Variants in TCTN1 observed in about 807,000 individuals in gnomAD.
The protein encoded by TCTN1 is tectonic family member 1, also known as tectonic-1.
Under a neutral mutation model 65.8 loss-of-function variants are expected in TCTN1, and 58 were observed. The observed-to-expected ratio is 0.88, with a 90% CI of 0.71 to 1.10. The LOEUF (loss-of-function observed/expected upper bound fraction) is 1.10, where lower values mean the gene tolerates loss of function less well. Ranked by LOEUF, TCTN1 falls within the 50% of genes least tolerant of loss-of-function variation. TCTN1 has a pLI of 0.00. For missense variants in TCTN1, 645 were observed against 719.4 expected (o/e 0.90, Z 1.18); for synonymous variants, 273 against 289.1 (o/e 0.94, Z 0.57).
Position 110,641,568 on chromosome 12 carries a change from T to C in TCTN1, c.1131T>C (p.Ser377=), listed in dbSNP as rs1566001269. The C allele has an allele frequency of 6.2e-7, 1 of 1,614,246 alleles. No homozygotes were observed. The highest frequency in any genetic ancestry group is 8.5e-7 in the Non-Finnish European group (1 of 1,180,040). The change falls in exon 10 of 15, where the codon AGT becomes AGC. Residue 377 remains serine, a synonymous_variant. Coordinates refer to ENST00000397659, the MANE Select transcript of TCTN1 (RefSeq NM_001082538.3). ...LQENTQPVPL[S]GNPGYVVGLP... is the part of the protein sequence containing the mutation. Reference sequence around the variant, plus strand: ...AAAATACCCAGCCAGTCCCTCTCAGTGGAAACCCTGGTTATGTCGTGGGGC... The same window carrying C: ...AAAATACCCAGCCAGTCCCTCTCAGCGGAAACCCTGGTTATGTCGTGGGGC...
intron 12 of TCTN1, 178 bp downstream of exon 12, chr12:110,645,307 T>C (rs961960155): frequency 1.3e-6 from 1 of 740,760 alleles, no homozygotes; most frequent in Non-Finnish European, 2.2e-6. Context: ...GGCCAGCAGT[T>C]TTATGGCTTT....
intron 7 of TCTN1, among the ~76,000 whole-genome samples, chr12:110,637,960 T>A (rs56077991): frequency 1.8e-4 from 27 of 152,298 alleles, no homozygotes; most frequent in Non-Finnish European, 3.1e-4. Flanking sequence ...ATGTGATGGA[T>A]GTTACTGGAA....
At position 110,647,910 on chromosome 12, in the gene TCTN1, C is replaced by T. The variant is rs774823322; in HGVS notation, c.*1+17C>T. On this transcript the variant is annotated intron_variant, in intron 14 of 14. Coordinates refer to ENST00000397659, the MANE Select transcript of TCTN1 (RefSeq NM_001082538.3). The stretch of plus-strand genomic sequence containing the variant: ...TTGTTTGACGTAAGTGAGGAAACTA[C>T]GCCCCTCCTCTGAGGTCATCCCCTT... The T allele has an allele frequency of 1.2e-5, 20 of 1,612,460 alleles. No homozygotes were observed. Among genetic ancestry groups the T allele is most frequent in the South Asian group, 6.6e-5 (6 of 91,016 alleles).
intron 12 of TCTN1, 23 bp from the exon 13 acceptor site, chr12:110,647,173 G>A (rs1202966680): frequency 5.0e-6 from 8 of 1,614,034 alleles, no homozygotes; most frequent in African/African-American, 2.7e-5. Flanking sequence ...TTGCAGTTTT[G>A]TAAGATTCTA....
At chr12:110,626,563 C>A in intron 3 of TCTN1, 71 bp downstream of exon 3, 1 of 1,454,690 alleles carries the variant, frequency 6.9e-7, no homozygotes, top group Non-Finnish European at 9.4e-7. Flanking sequence ...AAAAATGTGT[C>A]AGATTTATTT....
intron 3 of TCTN1, among the ~76,000 whole-genome samples, chr12:110,627,432 A>G (rs577837143): frequency 6.6e-6 from 1 of 152,278 alleles, no homozygotes; most frequent in South Asian, 2.1e-4. Context: ...CTGTTTTGCT[A>G]TATGTATAGT....
chr12:110,632,349 G>A (rs573994317), intron 4 of TCTN1, 123 bp from the exon 5 acceptor site: 349 of 956,076 alleles, frequency 3.7e-4, no homozygotes, highest in Non-Finnish European at 5.0e-4. Context: ...GACCACATCT[G>A]TTTTTTGCTC....
In TCTN1 at chr12:110,626,489, A is replaced by T. The variant is rs1338880412; in HGVS notation, c.469A>T (p.Asn157Tyr). ...ATCTATTTTCTGCATTCATATTACA[A>T]ACTGTAAGTATTTGACATTGATATA... ...NPSIFCIHIT[N>Y]YKPALSFINP... Residue 157 changes from asparagine (N) to tyrosine (Y), a missense_variant, in exon 3 of 15, where the codon AAC (asparagine) becomes TAC (tyrosine). Transcript: ENST00000397659. 2 of 1,612,030 alleles carry T rather than the reference A, an allele frequency of 1.2e-6. No individual in the cohort carries two copies.
chr12:110,634,403 G>A (rs756536298), intron 5 of TCTN1: 59 of 518,822 alleles, frequency 1.1e-4, no homozygotes, highest in Non-Finnish European at 1.7e-4. Flanking sequence ...TAGGCCAGGC[G>A]TACTGGTTCA....
chr12:110,648,075 A>G lies in TCTN1; in HGVS notation c.*1+182A>G, dbSNP rs2055466. ...CAGCCTTGACCTCCTGGGCTCAAGC[A>G]ATCCACCCACCTCAGCCTCCTAATA... On this transcript the variant is annotated intron_variant, in intron 14 of 14. Coordinates refer to ENST00000397659, the MANE Select transcript of TCTN1 (RefSeq NM_001082538.3). Among the ~76,000 whole-genome samples the G allele has an allele frequency of 0.14, 21,767 of 152,048 alleles. 2,136 individuals carry two copies. The highest frequency in any genetic ancestry group is 0.28 in the African/African-American group (11,602 of 41,400).
chr12:110,636,226 C>T (rs1417245849), intron 6 of TCTN1: 3 of 446,316 alleles, frequency 6.7e-6, no homozygotes, highest in Non-Finnish European at 1.2e-5. Flanking sequence ...GAGCATGGAG[C>T]CTTCCTGAGA....
intron 2 of TCTN1, among the ~76,000 whole-genome samples, chr12:110,620,967 G>A (rs1016111388): frequency 6.6e-6 from 1 of 151,902 alleles, no homozygotes; most frequent in Non-Finnish European, 1.5e-5. Flanking sequence ...TGCACGCCAC[G>A]ATGCCTGGCG....
chr12:110,623,584 G>A (rs530022722), intron 2 of TCTN1, among the ~76,000 whole-genome samples: 60 of 152,280 alleles, frequency 3.9e-4, no homozygotes, highest in African/African-American at 1.3e-3. Context: ...TCATAAAGAT[G>A]TATGTATAAG....
In TCTN1 at chr12:110,626,800, C is replaced by T. The variant is rs61942628; in HGVS notation, c.472+308C>T. Among the ~76,000 whole-genome samples the T allele has an allele frequency of 0.077, 8,145 of 105,396 alleles. 352 individuals carry two copies. The highest frequency in any genetic ancestry group is 0.16 in the Middle Eastern group (19 of 122). 69.1% of individuals were successfully genotyped at this position (105,396 alleles called of 152,430 possible). ...TTTTTTTTTTTTTGAGACGGAGTTT[C>T]GCTCTTGTTGCCCAGGCTGGAGTGC... On this transcript the variant is annotated intron_variant, in intron 3 of 14. Transcript: ENST00000397659.
Position 110,614,336 on chromosome 12 carries a change from AG to A in TCTN1, c.156del (p.Arg52SerfsTer78), listed in dbSNP as rs766816100. 1.9e-6 allele frequency: 3 copies of A among 1,606,620 alleles called. No homozygotes were observed. Among genetic ancestry groups the A allele is most frequent in the African/African-American group, 1.3e-5 (1 of 74,966 alleles). On this transcript the variant is annotated frameshift_variant, in exon 1 of 15. Transcript: ENST00000397659. LOFTEE classifies it high-confidence loss of function. ...LATFGTFPST[R>X]PPGTPRAPGP... Reference sequence around the variant, plus strand: ...CACCTTCGGAACTTTCCCGTCGACCAGGCCCCCCGGGACTCCCAGGGCTCCA... The same window carrying A: ...CACCTTCGGAACTTTCCCGTCGACCAGCCCCCCGGGACTCCCAGGGCTCCA...
rs769917896 is a variant in TCTN1 at position 110,626,505 on chromosome 12, CAT to C, written c.472+14_472+15del. The C allele has an allele frequency of 8.1e-6, 13 of 1,609,718 alleles. No homozygotes were observed. In the East Asian group the frequency reaches 2.9e-4, roughly 36 times the overall value. On this transcript the variant is annotated intron_variant, in intron 3 of 14. Transcript: ENST00000397659. ...CATATTACAAACTGTAAGTATTTGA[CAT>C]TGATATATTTTGTGAAGCTCTGGAA...
chr12:110,634,456 C>G (rs1373421785), intron 5 of TCTN1: 1 of 596,874 alleles, frequency 1.7e-6, no homozygotes, highest in Non-Finnish European at 3.1e-6. Context: ...GCGAGAGGAT[C>G]ACTTGAGGTG....
At chr12:110,614,423 C>T (rs763567317) in intron 1 of TCTN1, 21 bp downstream of exon 1, 15 of 1,578,108 alleles carry the variant, frequency 9.5e-6, no homozygotes, top group South Asian at 1.2e-5. Context: ...TGTGCCAGCT[C>T]CTGGAGTCCA....
At chr12:110,646,802 T>G (rs993219652) in intron 12 of TCTN1, 5 of 250,256 alleles carry the variant, frequency 2.0e-5, no homozygotes, top group Non-Finnish European at 3.1e-5. Context: ...TCAGGTTTTG[T>G]CTGCTAATAA....
Sources: allele counts gnomAD v4.1 joint callset (sites outside exome capture counted in the v4.1 genomes callset), GRCh38; gene constraint gnomAD v4.1.1; transcripts MANE v1.5; gene names NCBI Gene and HGNC (gene_info 2026-07-23, HGNC 2026-07-21).